PPARG: variants seen among roughly 807,000 people sequenced by gnomAD.
The protein encoded by PPARG is peroxisome proliferator-activated receptor gamma.
Under a neutral mutation model 39.2 loss-of-function variants are expected in PPARG, and 17 were observed. The ratio of observed to expected loss-of-function variants is 0.43; its 90% CI spans 0.30 to 0.65. The LOEUF (loss-of-function observed/expected upper bound fraction) is 0.65. PPARG is among the 30% of genes least tolerant of loss of function. The pLI, the probability that PPARG is intolerant of heterozygous loss-of-function variation, is 0.13. For missense variants in PPARG, 406 were observed against 585.9 expected (o/e 0.69, Z 3.17); for synonymous variants, 223 against 215.7 (o/e 1.03, Z -0.30).
chr3:12,347,997 TA>T (rs1441737383), intron 2 of PPARG, among the ~76,000 whole-genome samples: 1 of 152,210 alleles, frequency 6.6e-6, no homozygotes, highest in Non-Finnish European at 1.5e-5. Context: ...CATACAATTT[TA>T]TACCAATACT....
chr3:12,415,183 G>A (rs889119409), intron 6 of PPARG, among the ~76,000 whole-genome samples: 13 of 152,090 alleles, frequency 8.5e-5, no homozygotes, highest in African/African-American at 2.9e-4. Context: ...TGTTTGTCGT[G>A]CATGCACACT....
intron 5 of PPARG, 100 bp downstream of exon 5, chr3:12,392,852 C>T (rs1173023187): frequency 2.1e-6 from 3 of 1,422,512 alleles, no homozygotes; most frequent in African/African-American, 1.4e-5. Flanking sequence ...AGTTTTTCCA[C>T]CAAATGCCAG....
chr3:12,411,975 C>T lies in PPARG; in HGVS notation c.730-4729C>T, dbSNP rs573539631. ...CTAAGAACATCAGGAAAGCCACACT[C>T]GATGAGGCACACATTTTTCCAAGCC... On this transcript the variant is annotated intron_variant, in intron 6 of 7. Coordinates refer to ENST00000651735, the MANE Select transcript of PPARG (RefSeq NM_138711.6). Among the ~76,000 whole-genome samples the T allele has an allele frequency of 5.5e-4, 84 of 152,262 alleles. 1 individual carries two copies. The South Asian group carries it at 0.017, about 31-fold the overall frequency.
intron 2 of PPARG, among the ~76,000 whole-genome samples, chr3:12,375,904 A>G (rs1165224347): frequency 6.6e-6 from 1 of 151,904 alleles, no homozygotes; most frequent in Non-Finnish European, 1.5e-5. Context: ...TCTTGAAACC[A>G]CAAACGCGCA....
chr3:12,312,786 A>C (rs1024480190), intron 2 of PPARG, among the ~76,000 whole-genome samples: 2 of 152,212 alleles, frequency 1.3e-5, no homozygotes, highest in Admixed American at 6.5e-5. Context: ...GATACTTTTA[A>C]TTAAATTGAG....
chr3:12,406,361 G>T (rs56193567), intron 6 of PPARG: 2 of 426,146 alleles, frequency 4.7e-6, no homozygotes, highest in Non-Finnish European at 8.8e-6. Context: ...TAAGCCCCCT[G>T]AGCCTATCAC....
chr3:12,316,278 G>C (rs924163389), intron 2 of PPARG, among the ~76,000 whole-genome samples: 1 of 152,158 alleles, frequency 6.6e-6, no homozygotes, highest in Admixed American at 6.6e-5. Context: ...ATTCAACCCT[G>C]AATTTTTTTG....
chr3:12,339,256 C>A (rs1234660104), intron 2 of PPARG, among the ~76,000 whole-genome samples: 1 of 152,036 alleles, frequency 6.6e-6, no homozygotes, highest in Non-Finnish European at 1.5e-5. Context: ...ATAAAAGAAG[C>A]AAATCTATAG....
chr3:12,357,280 TTC>T (rs2048698488), intron 2 of PPARG, among the ~76,000 whole-genome samples: 1 of 152,062 alleles, frequency 6.6e-6, no homozygotes, highest in Non-Finnish European at 1.5e-5. Context: ...CCCTCTGGTC[TTC>T]TCTCTCTCTT....
rs1475461881 is a variant in PPARG, at chr3:12,321,401, A to G, written c.-9+8948A>G. ...GCAAATGAGAGTCTAAGAATAATTC[A>G]TTTTTTTGATACACTTCTGCCCCCA... is the stretch of plus-strand genomic sequence containing the variant. On this transcript the variant is annotated intron_variant, in intron 2 of 7. Transcript: ENST00000651735. Among the ~76,000 whole-genome samples, 3 of 152,170 alleles carry G rather than the reference A, an allele frequency of 2.0e-5. No individual in the cohort carries two copies. In the East Asian group the frequency reaches 5.8e-4, roughly 29 times the overall value.
At chr3:12,377,872 A>G (rs1160809330) in intron 2 of PPARG, among the ~76,000 whole-genome samples, 2 of 152,238 alleles carry the variant, frequency 1.3e-5, no homozygotes, top group East Asian at 3.8e-4. Flanking sequence ...CAAATCGTAC[A>G]TCTGATATGG....
chr3:12,287,893 C>T (rs1270300708), upstream of PPARG: 1 of 143,860 alleles, frequency 7.0e-6, no homozygotes, highest in African/African-American at 2.5e-5. Context: ...TCGGCCCGAC[C>T]CGGCTCCGCC....
At chr3:12,404,269 C>G (rs2050577290) in intron 5 of PPARG, among the ~76,000 whole-genome samples, 1 of 152,118 alleles carries the variant, frequency 6.6e-6, no homozygotes, top group Non-Finnish European at 1.5e-5. Flanking sequence ...ATTTTCTTCC[C>G]CTCTAACACC....
chr3:12,319,250 T>C (rs913375215), intron 2 of PPARG, among the ~76,000 whole-genome samples: 7 of 152,234 alleles, frequency 4.6e-5, no homozygotes, highest in Non-Finnish European at 1.0e-4. Flanking sequence ...ATTTTTCTTA[T>C]CTGCGAAGGA....
chr3:12,293,534 A>G (rs1403108805), intron 1 of PPARG, among the ~76,000 whole-genome samples: 3 of 152,172 alleles, frequency 2.0e-5, no homozygotes, highest in Non-Finnish European at 4.4e-5. Context: ...AAATAGGGAA[A>G]TACCCTGAGT....
Position 12,398,086 on chromosome 3 carries a change from C to T in PPARG, c.529+5334C>T, listed in dbSNP as rs568520365. Among the ~76,000 whole-genome samples the T allele has an allele frequency of 7.2e-5, 11 of 152,108 alleles. No individual in the cohort carries two copies. The South Asian group carries it at 2.3e-3, about 32-fold the overall frequency. Reference sequence around the variant, plus strand: ...AGACTTTTCTGATTCCCTGCTCTTCCTTTTCTATGTGTTTCATACCTTCCT... The same window carrying T: ...AGACTTTTCTGATTCCCTGCTCTTCTTTTTCTATGTGTTTCATACCTTCCT... On this transcript the variant is annotated intron_variant, in intron 5 of 7. Coordinates refer to ENST00000651735, the MANE Select transcript of PPARG (RefSeq NM_138711.6).
At chr3:12,432,863 G>T (rs1017438305) in intron 7 of PPARG, among the ~76,000 whole-genome samples, 12 of 152,058 alleles carry the variant, frequency 7.9e-5, no homozygotes, top group Non-Finnish European at 1.5e-4. Flanking sequence ...AAAATGAAGG[G>T]TCCATTCACA....
chr3:12,328,138 C>A, intron 2 of PPARG: 1 of 1,279,122 alleles, frequency 7.8e-7, no homozygotes, highest in Non-Finnish European at 1.1e-6. Context: ...GGAAGCAATT[C>A]ACAATCAACT....
intron 6 of PPARG, among the ~76,000 whole-genome samples, chr3:12,411,978 T>G (rs887287384): frequency 6.6e-6 from 1 of 152,190 alleles, no homozygotes; most frequent in African/African-American, 2.4e-5. Context: ...CCACACTCGA[T>G]GAGGCACACA....
Sources: gnomAD v4.1 joint callset for allele counts (sites outside exome capture counted in the v4.1 genomes callset) on GRCh38, gnomAD v4.1.1 for gene constraint, MANE v1.5 for transcripts, NCBI Gene and HGNC (gene_info 2026-07-23, HGNC 2026-07-21) for gene names.